Variants in ARHGEF16 observed in about 807,000 individuals in gnomAD.
ARHGEF16 encodes the protein Rho guanine nucleotide exchange factor 16.
Under a neutral mutation model 74.1 loss-of-function variants are expected in ARHGEF16, and 59 were observed. That is an observed-to-expected ratio of 0.80 (90% CI 0.65 to 0.99). The LOEUF (loss-of-function observed/expected upper bound fraction) is 0.99. Among genes scored for constraint, ARHGEF16 ranks in the 50% least tolerant of loss-of-function variants. ARHGEF16 has a pLI of 0.00. For missense variants in ARHGEF16, 948 were observed against 986.6 expected (o/e 0.96, Z 0.52); for synonymous variants, 415 against 412.6 (o/e 1.01, Z -0.07).
chr1:3,454,946 C>T (rs1639231320), intron 1 of ARHGEF16, 135 bp downstream of exon 1: 1 of 152,158 alleles, frequency 6.6e-6, no homozygotes, highest in Non-Finnish European at 1.5e-5. Context: ...GCAAGCCCCG[C>T]CCCGGCAGCC....
chr1:3,462,564 T>A (rs1426068717), intron 1 of ARHGEF16, among the ~76,000 whole-genome samples: 1 of 152,164 alleles, frequency 6.6e-6, no homozygotes, highest in East Asian at 1.9e-4. Flanking sequence ...AGCCCCCCAG[T>A]GCAACGCCAT....
Position 3,468,945 on chromosome 1 carries a change from G to C in ARHGEF16, c.861+9G>C. On this transcript the variant is annotated intron_variant, in intron 5 of 14. Coordinates refer to ENST00000378378, the MANE Select transcript of ARHGEF16 (RefSeq NM_014448.4). The stretch of plus-strand genomic sequence containing the variant: ...AGCGGAAAAGGCAGGAGGTAAAAGG[G>C]CCCTGGGCGGGAGGGCTGTCCCCCA... The C allele has an allele frequency of 6.5e-7, 1 of 1,549,656 alleles. No individual in the cohort carries two copies. The highest frequency in any genetic ancestry group is 8.7e-7 in the Non-Finnish European group (1 of 1,146,704).
At chr1:3,479,446 T>G in intron 12 of ARHGEF16, 71 bp from the exon 13 acceptor site, 1 of 1,547,372 alleles carries the variant, frequency 6.5e-7, no homozygotes. Context: ...TGGGTGGCTG[T>G]CAGAAGTCAA....
At chr1:3,458,760 G>A (rs1037884429) in intron 1 of ARHGEF16, among the ~76,000 whole-genome samples, 3 of 152,230 alleles carry the variant, frequency 2.0e-5, no homozygotes, top group African/African-American at 7.2e-5. Context: ...CGCAGCTCCA[G>A]CAGCCAGCGA....
intron 1 of ARHGEF16, among the ~76,000 whole-genome samples, chr1:3,458,434 T>TC (rs1639314005): frequency 6.6e-6 from 1 of 152,026 alleles, no homozygotes; most frequent in African/African-American, 2.4e-5. Flanking sequence ...TCTCAGCCCC[T>TC]CCCCTTCACT....
chr1:3,479,992 A>G, intron 14 of ARHGEF16, 79 bp downstream of exon 14: 1 of 1,426,330 alleles, frequency 7.0e-7, no homozygotes, highest in South Asian at 1.2e-5. Context: ...GGCCAGGTCC[A>G]GAGCATGCCG....
intron 1 of ARHGEF16, among the ~76,000 whole-genome samples, chr1:3,461,709 G>A (rs1639399817): frequency 6.6e-6 from 1 of 152,234 alleles, no homozygotes; most frequent in Non-Finnish European, 1.5e-5. Flanking sequence ...CCCGCAAAGT[G>A]CCTGGAAACA....
chr1:3,468,624 A>C, intron 4 of ARHGEF16: 1 of 525,966 alleles, frequency 1.9e-6, no homozygotes, highest in Non-Finnish European at 3.5e-6. Context: ...TGGATGCCCC[A>C]TGCTCTTTCT....
chr1:3,474,862 GCA>G, intron 9 of ARHGEF16, 80 bp downstream of exon 9: 1 of 1,315,778 alleles, frequency 7.6e-7, no homozygotes, highest in Non-Finnish European at 1.1e-6. Context: ...CTACCCGATG[GCA>G]TAGGGCTGGC....
chr1:3,477,729 G>A lies in ARHGEF16; in HGVS notation c.1474-146G>A, dbSNP rs1184577482. 6.9e-6 allele frequency: 5 copies of A among 729,682 alleles called. No homozygotes were observed. In the East Asian group the frequency reaches 1.3e-4, roughly 20 times the overall value. 45.2% of individuals were successfully genotyped at this position (729,682 alleles called of 1,614,324 possible). On this transcript the variant is annotated intron_variant, in intron 10 of 14. Transcript: ENST00000378378. The stretch of plus-strand genomic sequence containing the variant: ...TTTCCTCTGTCCAGCCCCGACTGAG[G>A]GCAGCCAGCTGGTCACCCAGTCCAG...
intron 7 of ARHGEF16, 63 bp downstream of exon 7, chr1:3,473,293 A>C (rs1639788573): frequency 6.3e-7 from 1 of 1,592,362 alleles, no homozygotes; most frequent in Admixed American, 1.7e-5. Context: ...TGGTCTCCCA[A>C]AGCACATTCC....
In ARHGEF16 at chr1:3,476,068, TGGCCCCGGACATCAG is replaced by T; in HGVS notation, c.1473+11_1473+25del. On this transcript the variant is annotated splice_region_variant and intron_variant, in intron 10 of 14. Coordinates refer to ENST00000378378, the MANE Select transcript of ARHGEF16 (RefSeq NM_014448.4). ...TGGACTTCAGCAAGGTCAAGGTAGG[TGGCCCCGGACATCAG>T]GGCCACTCGGACCACTTCCCACTCA... The T allele has an allele frequency of 1.3e-6, 2 of 1,549,922 alleles. No homozygotes were observed. Among genetic ancestry groups the T allele is most frequent in the Non-Finnish European group, 1.7e-6 (2 of 1,146,606 alleles).
rs1265378138 is a variant in ARHGEF16 at position 3,467,194 on chromosome 1, G to A, written c.661G>A (p.Glu221Lys). 1 of 1,550,610 alleles carries A rather than the reference G, an allele frequency of 6.4e-7. No individual in the cohort carries two copies. Among genetic ancestry groups the A allele is most frequent in the Non-Finnish European group, 8.7e-7 (1 of 1,146,826 alleles). The change falls in exon 4 of 15, where the codon GAG becomes AAG. Residue 221 changes from glutamate to lysine, a missense_variant. Physicochemically the swap from Glu to Lys is moderately conservative, Grantham distance 56 (BLOSUM62 1). Transcript: ENST00000378378. ...DDPQLYQEIQ[E>K]RGLNTSQESD... ...CCCCCAGCTCTACCAGGAGATCCAG[G>A]AGCGGGGCCTGAACACCAGCCAGGA...
chr1:3,479,925 G>C lies in ARHGEF16; in HGVS notation c.1990+12G>C. On this transcript the variant is annotated intron_variant, in intron 14 of 14. Coordinates refer to ENST00000378378, the MANE Select transcript of ARHGEF16 (RefSeq NM_014448.4). ...GCAGCAGGAGGATGGTGAGTGCAGG[G>C]GCGTTGGGCACAGATGGGTGGGAAC... 6.2e-7 allele frequency: 1 copy of C among 1,611,596 alleles called. No individual in the cohort carries two copies. Among genetic ancestry groups the C allele is most frequent in the Admixed American group, 1.7e-5 (1 of 60,006 alleles).
intron 11 of ARHGEF16, 145 bp downstream of exon 11, chr1:3,478,171 G>C (rs1426220487): frequency 6.7e-6 from 8 of 1,197,866 alleles, no homozygotes; most frequent in South Asian, 1.4e-5. Flanking sequence ...CATGCTCTAC[G>C]TGACACTCGG....
chr1:3,473,549 C>T (rs780086521), intron 8 of ARHGEF16, 27 bp downstream of exon 8: 40 of 1,602,122 alleles, frequency 2.5e-5, no homozygotes, highest in East Asian at 6.7e-5. Flanking sequence ...AGGGTGGGGC[C>T]GGGCATACCA....
intron 6 of ARHGEF16, among the ~76,000 whole-genome samples, chr1:3,470,095 G>C (rs1013314476): frequency 6.6e-6 from 1 of 151,944 alleles, no homozygotes; most frequent in African/African-American, 2.4e-5. Flanking sequence ...TGTGCGTGGG[G>C]TGGGGTGGGG....
intron 2 of ARHGEF16, 89 bp downstream of exon 2, chr1:3,463,761 A>G: frequency 8.7e-7 from 1 of 1,143,794 alleles, no homozygotes; most frequent in Non-Finnish European, 1.2e-6. Flanking sequence ...CTTCTGCATC[A>G]TGGCAGCTGC....
chr1:3,466,803 C>G (rs1234505675), intron 3 of ARHGEF16, among the ~76,000 whole-genome samples: 2 of 152,216 alleles, frequency 1.3e-5, no homozygotes, highest in African/African-American at 4.8e-5. Context: ...CCCTTCCAGC[C>G]CCCAGAAGCT....
Sources: gnomAD v4.1 joint callset for allele counts (sites outside exome capture counted in the v4.1 genomes callset) on GRCh38, gnomAD v4.1.1 for gene constraint, MANE v1.5 for transcripts, NCBI Gene and HGNC (gene_info 2026-07-23, HGNC 2026-07-21) for gene names.